The following DAGLA variants were observed in gnomAD, a reference collection of about 807,000 sequenced individuals.
DAGLA encodes the protein diacylglycerol lipase alpha, also known as diacylglycerol lipase-alpha.
DAGLA carries 22 observed loss-of-function variants against 102.6 expected under a neutral mutation model. The ratio of observed to expected loss-of-function variants is 0.21; its 90% confidence interval spans 0.15 to 0.31. DAGLA has a LOEUF of 0.31. DAGLA is among the 10% of genes least tolerant of loss of function. The probability of loss-of-function intolerance (pLI) is 1.00; values close to 1 mark genes in which losing one functional copy is unlikely to be tolerated. For missense variants in DAGLA, 927 were observed against 1,446.6 expected, an observed-to-expected ratio of 0.64 and a Z score of 5.83; for synonymous variants, 578 against 628.9, an observed-to-expected ratio of 0.92 and a Z score of 1.21.
rs946805282 is a variant in DAGLA, at chr11:61,687,980, C to A, written c.-45+7476C>A. Among the ~76,000 whole-genome samples the A allele has an allele frequency of 6.6e-5, 10 of 152,190 alleles. No homozygotes were observed. In the South Asian group the frequency reaches 1.2e-3, roughly 19 times the overall value. ...TGTCTCCCTCACTGTTCAAAGGTGA[C>A]ACTGGATGGGAAAGGCCTTTGGGAA... On this transcript the variant is annotated intron_variant, in intron 1 of 19. Coordinates refer to ENST00000257215, the MANE Select transcript of DAGLA (RefSeq NM_006133.3).
At chr11:61,700,715 C>T (rs1354144896) in intron 1 of DAGLA, among the ~76,000 whole-genome samples, 1 of 152,228 alleles carries the variant, frequency 6.6e-6, no homozygotes, top group Non-Finnish European at 1.5e-5. Context: ...CCCTGCAGTC[C>T]TGCACAGCCC....
At position 61,724,899 on chromosome 11, in the gene DAGLA, T is replaced by C. The variant is rs189199421; in HGVS notation, c.549-1096T>C. Among the ~76,000 whole-genome samples, 603 of 152,214 alleles carry C rather than the reference T, an allele frequency of 4.0e-3. 5 individuals carry two copies. Among genetic ancestry groups the C allele is most frequent in the African/African-American group, 0.013 (555 of 41,528 alleles). On this transcript the variant is annotated intron_variant, in intron 5 of 19. Transcript: ENST00000257215. ...CCCAGAGTAGCAATTCCCTGCACCC[T>C]TCCCTACCTGCCTCCCGTAGCCCTG...
At position 61,700,015 on chromosome 11, in the gene DAGLA, C is replaced by T. The variant is rs1023215661; in HGVS notation, c.-45+19511C>T. On this transcript the variant is annotated intron_variant, in intron 1 of 19. Transcript: ENST00000257215. ...CACACTGCCTGCGAATGCCACACCACCCTGCATCCCCAAGGCTGCCCCAGC... is the reference window on the plus strand; with the variant it reads ...CACACTGCCTGCGAATGCCACACCATCCTGCATCCCCAAGGCTGCCCCAGC... Among the ~76,000 whole-genome samples the T allele has an allele frequency of 3.9e-5, 6 of 152,222 alleles. 1 individual carries two copies. In the South Asian group the frequency reaches 1.0e-3, roughly 26 times the overall value.
Position 61,737,298 on chromosome 11 carries a change from C to G in DAGLA, c.1488C>G (p.Ala496=), listed in dbSNP as rs1348081273. 2 of 1,612,130 alleles carry G rather than the reference C, an allele frequency of 1.2e-6. No homozygotes were observed. Among genetic ancestry groups the G allele is most frequent in the South Asian group, 2.2e-5 (2 of 91,086 alleles). ...RPQYPTLKCF[A]YSPPGGLLSE... ...AGTATCCGACCCTCAAGTGCTTTGC[C>G]TACTCCCCGCCAGGGGGCCTGCTGA... Residue 496 remains alanine (A), a synonymous_variant, in exon 14 of 20, where the codon GCC becomes GCG. Transcript: ENST00000257215.
At chr11:61,708,529 C>A (rs1373323516) in intron 1 of DAGLA, among the ~76,000 whole-genome samples, 1 of 151,958 alleles carries the variant, frequency 6.6e-6, no homozygotes, top group African/African-American at 2.4e-5. Flanking sequence ...TACAGGCTCC[C>A]GCCATCATGC....
intron 1 of DAGLA, among the ~76,000 whole-genome samples, chr11:61,710,304 A>G (rs545996409): frequency 1.9e-4 from 29 of 149,554 alleles, no homozygotes; most frequent in African/African-American, 6.2e-4. Context: ...GGGGAGGAGC[A>G]GAGGGTGGGG....
intron 8 of DAGLA, among the ~76,000 whole-genome samples, chr11:61,730,117 C>T (rs2065361453): frequency 6.6e-6 from 1 of 151,942 alleles, no homozygotes; most frequent in South Asian, 2.1e-4. Flanking sequence ...GTCCTCCCTG[C>T]CTGTCCCTAC....
chr11:61,731,492 G>A lies in DAGLA; in HGVS notation c.974+51G>A, dbSNP rs534444624. Reference sequence around the variant, plus strand: ...GCGATTGCACCTCTCCTCCCGGGTGGTGTGTGAGGAAGGGCTACCGGGCTG... The same window carrying A: ...GCGATTGCACCTCTCCTCCCGGGTGATGTGTGAGGAAGGGCTACCGGGCTG... On this transcript the variant is annotated intron_variant, in intron 9 of 19. Coordinates refer to ENST00000257215, the MANE Select transcript of DAGLA (RefSeq NM_006133.3). The A allele has an allele frequency of 5.6e-6, 9 of 1,604,786 alleles. No homozygotes were observed. In the East Asian group the frequency reaches 8.9e-5, roughly 16 times the overall value.
rs759979392 is a variant in DAGLA at position 61,744,292 on chromosome 11, G to A, written c.2932G>A (p.Gly978Ser). The A allele has an allele frequency of 1.3e-5, 21 of 1,612,576 alleles. No homozygotes were observed. The highest frequency in any genetic ancestry group is 1.2e-4 in the Admixed American group (7 of 59,994). ...GCCCAAGCCCCCACGGCTCTTTGCC[G>A]GCTCAGCCGACCCCTCCTCGGGCAT... is the stretch of plus-strand genomic sequence containing the variant. ...LVPKPPRLFA[G>S]SADPSSGISL... The change falls in exon 20 of 20, where the codon GGC becomes AGC. Residue 978 changes from glycine (G) to serine (S), a missense_variant. Gly to Ser is a moderately conservative substitution (Grantham distance 56). This residue lies in a region of DAGLA where 434 missense variants were observed against 503.3 expected (regional missense o/e 0.86). Coordinates refer to ENST00000257215, the MANE Select transcript of DAGLA (RefSeq NM_006133.3).
intron 12 of DAGLA, 42 bp from the exon 13 acceptor site, chr11:61,736,228 G>A (rs2065422149): frequency 5.2e-6 from 8 of 1,551,260 alleles, no homozygotes; most frequent in African/African-American, 2.7e-5. Flanking sequence ...TGGTCACTGG[G>A]AGGCCTCCCA....
intron 1 of DAGLA, among the ~76,000 whole-genome samples, chr11:61,718,725 G>C (rs930865592): frequency 2.0e-5 from 3 of 152,100 alleles, no homozygotes; most frequent in South Asian, 2.1e-4. Flanking sequence ...TCCTGAGGGT[G>C]GGGGGAGGAG....
chr11:61,726,763 A>ACTCCT (rs2065330605), intron 6 of DAGLA, among the ~76,000 whole-genome samples: 2 of 152,030 alleles, frequency 1.3e-5, no homozygotes, highest in South Asian at 4.1e-4. Flanking sequence ...TCAGGAGACC[A>ACTCCT]CTCCTCCCTG....
chr11:61,698,864 A>C (rs1170143564), intron 1 of DAGLA, among the ~76,000 whole-genome samples: 2 of 152,202 alleles, frequency 1.3e-5, no homozygotes, highest in African/African-American at 2.4e-5. Context: ...GGGCCCTGGC[A>C]GCTTCACAGA....
chr11:61,712,674 C>T (rs963912756), intron 1 of DAGLA, among the ~76,000 whole-genome samples: 6 of 152,288 alleles, frequency 3.9e-5, no homozygotes, highest in African/African-American at 1.4e-4. Flanking sequence ...TGGTGGCGCA[C>T]GTGGCCCCCA....
At chr11:61,740,128 C>T (rs1270763971) in intron 17 of DAGLA, among the ~76,000 whole-genome samples, 1 of 152,240 alleles carries the variant, frequency 6.6e-6, no homozygotes, top group East Asian at 1.9e-4. Flanking sequence ...CTCCTTCAGA[C>T]GGCTGGGCCC....
At chr11:61,696,932 G>T (rs2065072105) in intron 1 of DAGLA, among the ~76,000 whole-genome samples, 1 of 135,886 alleles carries the variant, frequency 7.4e-6, no homozygotes, top group Non-Finnish European at 1.6e-5. Flanking sequence ...TGGGTGGTTT[G>T]CCCCAAGATC....
chr11:61,730,077 A>C (rs1027364774), intron 8 of DAGLA, among the ~76,000 whole-genome samples: 3 of 151,396 alleles, frequency 2.0e-5, no homozygotes, highest in African/African-American at 2.4e-5. Context: ...AAAAAAAAAA[A>C]CCAACACTCA....
Position 61,735,734 on chromosome 11 carries a change from C to G in DAGLA, c.1213-5C>G. 1.2e-6 allele frequency: 2 copies of G among 1,613,510 alleles called. No individual in the cohort carries two copies. Among genetic ancestry groups the G allele is most frequent in the Non-Finnish European group, 1.7e-6 (2 of 1,179,738 alleles). ...GCCCCCTCACCTGTCTCCTCTCTCC[C>G]CAAGGATGCCCTGACTGACCTGACG... On this transcript the variant is annotated splice_polypyrimidine_tract_variant and splice_region_variant and intron_variant, in intron 11 of 19. Transcript: ENST00000257215.
intron 3 of DAGLA, among the ~76,000 whole-genome samples, chr11:61,721,519 A>G (rs989878928): frequency 6.6e-6 from 1 of 152,242 alleles, no homozygotes; most frequent in Admixed American, 6.5e-5. Context: ...CCCAGAGTCC[A>G]AGATATTTGC....
Sources: gnomAD v4.1 joint callset for allele counts (sites outside exome capture counted in the v4.1 genomes callset) on GRCh38, gnomAD v4.1.1 for gene constraint, gnomAD v4.1.1 regional missense constraint, MANE v1.5 for transcripts, NCBI Gene and HGNC (gene_info 2026-07-23, HGNC 2026-07-21) for gene names.